Variants in PUS7 observed in about 807,000 individuals in gnomAD.
PUS7 encodes pseudouridylate synthase 7 homolog.
In PUS7, 48 loss-of-function variants were observed where a neutral mutation model predicts 79.8. The observed-to-expected ratio is 0.60, with a 90% CI of 0.48 to 0.76. The LOEUF is 0.76. PUS7 is among the 30% of genes least tolerant of loss of function. PUS7 has a pLI of 0.00. For synonymous variants in PUS7, 286 were observed against 272.2 expected (o/e 1.05, Z -0.50); for missense variants, 729 against 797.6 (o/e 0.91, Z 1.04).
chr7:105,490,204 A>G (rs994370436), intron 7 of PUS7, among the ~76,000 whole-genome samples: 2 of 152,140 alleles, frequency 1.3e-5, no homozygotes, highest in Non-Finnish European at 2.9e-5. Flanking sequence ...TAATTGCAGT[A>G]TGACTGACAT....
intron 2 of PUS7, among the ~76,000 whole-genome samples, chr7:105,506,751 C>T (rs1266511615): frequency 6.6e-6 from 1 of 152,016 alleles, no homozygotes; most frequent in Non-Finnish European, 1.5e-5. Context: ...AATGCTGAGC[C>T]ATACCTTGGC....
chr7:105,483,088 T>TTA (rs1824393295), intron 7 of PUS7, among the ~76,000 whole-genome samples: 1 of 152,132 alleles, frequency 6.6e-6, no homozygotes, highest in Non-Finnish European at 1.5e-5. Flanking sequence ...CAATAGGAAA[T>TTA]GTATATAGAG....
intron 6 of PUS7, among the ~76,000 whole-genome samples, chr7:105,493,394 C>T (rs570354947): frequency 6.6e-6 from 1 of 152,364 alleles, no homozygotes; most frequent in Admixed American, 6.5e-5. Context: ...CCTCCCCACC[C>T]ACCTATTCCT....
intron 1 of PUS7, among the ~76,000 whole-genome samples, chr7:105,509,824 G>A (rs1427421795): frequency 6.6e-6 from 1 of 152,034 alleles, no homozygotes; most frequent in East Asian, 1.9e-4. Context: ...TGAAACTTGG[G>A]TACATAAACT....
At chr7:105,472,283 A>C in intron 9 of PUS7, 90 bp from the exon 10 acceptor site, 1 of 773,524 alleles carries the variant, frequency 1.3e-6, no homozygotes, top group Non-Finnish European at 2.2e-6. Context: ...AAATCATATT[A>C]ACTATACACC....
chr7:105,492,183 G>A (rs1824811270), intron 6 of PUS7, among the ~76,000 whole-genome samples: 1 of 152,064 alleles, frequency 6.6e-6, no homozygotes, highest in South Asian at 2.1e-4. Flanking sequence ...CAGGAGGACT[G>A]TCTGCGCTCA....
intron 1 of PUS7, among the ~76,000 whole-genome samples, chr7:105,520,550 AT>A (rs1826068896): frequency 2.0e-5 from 3 of 147,932 alleles, no homozygotes; most frequent in Admixed American, 6.8e-5. Context: ...AAATAAATAA[AT>A]AAATAAATAA....
At position 105,480,915 on chromosome 7, in the gene PUS7, T is replaced by C. The variant is rs1824294927; in HGVS notation, c.1175+137A>G. ...TTTTTACCCTGTGCACTCATTAACT[T>C]AAAACAAAAATCATGAAACTGTGGT... On this transcript the variant is annotated intron_variant, in intron 9 of 15. Transcript: ENST00000469408. The C allele has an allele frequency of 3.7e-6, 4 of 1,095,484 alleles. No homozygotes were observed. The South Asian group carries it at 5.3e-5, about 15-fold the overall frequency. 67.9% of individuals were successfully genotyped at this position (1,095,484 alleles called of 1,614,324 possible). A position where few individuals can be genotyped will look rare whatever the true frequency, so the allele number is the denominator to read the frequency against.
intron 4 of PUS7, 69 bp from the exon 5 acceptor site, chr7:105,502,633 T>C (rs1018920041): frequency 1.3e-6 from 2 of 1,532,640 alleles, no homozygotes; most frequent in Non-Finnish European, 1.8e-6. Context: ...ATACAGTGAA[T>C]TAGTAAAAAC....
chr7:105,496,629 A>C (rs1825047681), intron 5 of PUS7, among the ~76,000 whole-genome samples: 1 of 152,202 alleles, frequency 6.6e-6, no homozygotes, highest in South Asian at 2.1e-4. Flanking sequence ...CTGTTTGGTA[A>C]GTTAGTGATA....
chr7:105,512,474 G>A lies in PUS7; in HGVS notation c.-32-3930C>T, dbSNP rs891934964. ...ACACTGAAGACAAAACCTAACCAAA[G>A]ACTACAATGCCTGGGCCAAATTTTG... On this transcript the variant is annotated intron_variant, in intron 1 of 15. Coordinates refer to ENST00000469408, the MANE Select transcript of PUS7 (RefSeq NM_019042.5). 2.0e-5 allele frequency among the ~76,000 whole-genome samples: 3 copies of A among 152,254 alleles called. No homozygotes were observed. In the South Asian group the frequency reaches 6.2e-4, roughly 32 times the overall value.
intron 5 of PUS7, among the ~76,000 whole-genome samples, chr7:105,497,483 G>C (rs766868586): frequency 6.6e-6 from 1 of 152,116 alleles, no homozygotes; most frequent in Non-Finnish European, 1.5e-5. Context: ...ATAGAAAACA[G>C]CTAAGTTCTT....
At chr7:105,515,828 G>C (rs1450162645) in intron 1 of PUS7, among the ~76,000 whole-genome samples, 2 of 83,052 alleles carry the variant, frequency 2.4e-5, no homozygotes, top group Admixed American at 2.3e-4. Flanking sequence ...TATTTATTTT[G>C]AGACAGAGTC....
chr7:105,470,605 A>T, intron 11 of PUS7, 83 bp downstream of exon 11: 1 of 1,413,382 alleles, frequency 7.1e-7, no homozygotes, highest in South Asian at 1.5e-5. Flanking sequence ...GCTCTTTCAA[A>T]GTTTAGTAAA....
At chr7:105,481,586 T>G (rs1824321634) in intron 8 of PUS7, among the ~76,000 whole-genome samples, 1 of 152,144 alleles carries the variant, frequency 6.6e-6, no homozygotes, top group Non-Finnish European at 1.5e-5. Context: ...CCAAATTTTT[T>G]CCCGTTTCCA....
At position 105,468,328 on chromosome 7, in the gene PUS7, C is replaced by T. The variant is rs1207933580; in HGVS notation, c.1525+9G>A. On this transcript the variant is annotated intron_variant, in intron 12 of 15. Transcript: ENST00000469408. ...CTTAGCTGAGTAACAAAGACATCTGCCTTTTTACCTCCTTTGAGAACGAGG... is the reference window on the plus strand; with the variant it reads ...CTTAGCTGAGTAACAAAGACATCTGTCTTTTTACCTCCTTTGAGAACGAGG... 1.2e-6 allele frequency: 2 copies of T among 1,609,348 alleles called. No individual in the cohort carries two copies. Among genetic ancestry groups the T allele is most frequent in the Admixed American group, 1.7e-5 (1 of 58,668 alleles).
chr7:105,470,682 A>G lies in PUS7; in HGVS notation c.1398+6T>C. ...GCCATTGCCTGACTTCACAAATTGCACTCACTATGCCAAATGCAGAGACTA... is the reference window on the plus strand; with the variant it reads ...GCCATTGCCTGACTTCACAAATTGCGCTCACTATGCCAAATGCAGAGACTA... On this transcript the variant is annotated splice_donor_region_variant and intron_variant, in intron 11 of 15. Coordinates refer to ENST00000469408, the MANE Select transcript of PUS7 (RefSeq NM_019042.5). 1 of 1,557,742 alleles carries G rather than the reference A, an allele frequency of 6.4e-7. No homozygotes were observed.
At chr7:105,486,889 G>C (rs1165223481) in intron 7 of PUS7, among the ~76,000 whole-genome samples, 1 of 151,770 alleles carries the variant, frequency 6.6e-6, no homozygotes, top group Non-Finnish European at 1.5e-5. Context: ...GTGAAACCCC[G>C]TGTCTACTAA....
intron 5 of PUS7, among the ~76,000 whole-genome samples, chr7:105,496,102 G>C (rs182879067): frequency 6.6e-6 from 1 of 151,004 alleles, no homozygotes; most frequent in Non-Finnish European, 1.5e-5. Context: ...GGAGGTTACC[G>C]AGCCAAGATC....
Sources: gnomAD v4.1 joint callset for allele counts (sites outside exome capture counted in the v4.1 genomes callset) on GRCh38, gnomAD v4.1.1 for gene constraint, MANE v1.5 for transcripts, NCBI Gene and HGNC (gene_info 2026-07-23, HGNC 2026-07-21) for gene names.